The following ZCCHC14 variants were observed in gnomAD, a reference collection of about 807,000 sequenced individuals.
ZCCHC14 encodes the protein zinc finger CCHC-type containing 14.
Under a neutral mutation model 85.0 loss-of-function variants are expected in ZCCHC14, and 16 were observed. The ratio of observed to expected loss-of-function variants is 0.19; its 90% confidence interval spans 0.13 to 0.29. The LOEUF is 0.29. Among genes scored for constraint, ZCCHC14 ranks in the 10% least tolerant of loss-of-function variants. The probability of loss-of-function intolerance (pLI) is 1.00; values close to 1 mark genes in which losing one functional copy is unlikely to be tolerated. For synonymous variants in ZCCHC14, 775 were observed against 630.7 expected, an observed-to-expected ratio of 1.23 and a Z score of -3.43; for missense variants, 1,303 against 1,443.5, an observed-to-expected ratio of 0.90 and a Z score of 1.58.
chr16:87,426,298 T>C (rs930257744), intron 3 of ZCCHC14, among the ~76,000 whole-genome samples: 1 of 152,216 alleles, frequency 6.6e-6, no homozygotes, highest in Non-Finnish European at 1.5e-5. Context: ...ACCCGTACTA[T>C]GGGGACACGT....
At position 87,418,835 on chromosome 16, in the gene ZCCHC14, A is replaced by G; in HGVS notation, c.1100+12T>C. ...TATCTGAACTGTGCTGGTTACATAG[A>G]AGATTTCTCACCTTCCAGACACGCC... On this transcript the variant is annotated intron_variant, in intron 7 of 12. Coordinates refer to ENST00000671377, the MANE Select transcript of ZCCHC14 (RefSeq NM_015144.3). 1 of 1,612,352 alleles carries G rather than the reference A, an allele frequency of 6.2e-7. No homozygotes were observed. Among genetic ancestry groups the G allele is most frequent in the Non-Finnish European group, 8.5e-7 (1 of 1,178,638 alleles).
chr16:87,429,436 C>T (rs977944708), intron 3 of ZCCHC14, among the ~76,000 whole-genome samples: 3 of 152,078 alleles, frequency 2.0e-5, no homozygotes, highest in Non-Finnish European at 2.9e-5. Flanking sequence ...CTCAGCCTCC[C>T]GAGTAGCTGG....
At chr16:87,424,798 G>C (rs577170996) in intron 3 of ZCCHC14, among the ~76,000 whole-genome samples, 7 of 152,290 alleles carry the variant, frequency 4.6e-5, no homozygotes, top group African/African-American at 1.7e-4. Flanking sequence ...ATGGACAGAG[G>C]GGATGGCCTG....
At position 87,406,578 on chromosome 16, in the gene ZCCHC14, A is replaced by G. The variant is rs528311176; in HGVS notation, c.*3702T>C. 1.3e-5 allele frequency: 2 copies of G among 152,598 alleles called. No individual in the cohort carries two copies. Among genetic ancestry groups the G allele is most frequent in the South Asian group, 4.1e-4 (2 of 4,826 alleles). The allele number at this position is 152,598 out of a possible 1,614,324, so 9.5% of individuals were successfully genotyped here. A position where few individuals can be genotyped will look rare whatever the true frequency, so the allele number is the denominator to read the frequency against. ...AGTACACAAGGTGTCCAGTTTCAGT[A>G]CCAAAGCCTTCTCTTTTTGTGCACG... On this transcript the variant is annotated 3_prime_UTR_variant, in exon 13 of 13. Transcript: ENST00000671377.
intron 1 of ZCCHC14, among the ~76,000 whole-genome samples, chr16:87,476,736 G>T (rs1157226177): frequency 9.0e-6 from 1 of 111,202 alleles, no homozygotes; most frequent in Non-Finnish European, 1.7e-5. Context: ...AGGCCTGGGG[G>T]TGGGGGGTGG....
chr16:87,455,348 T>C (rs1261756048), intron 2 of ZCCHC14, among the ~76,000 whole-genome samples: 2 of 151,106 alleles, frequency 1.3e-5, no homozygotes, highest in African/African-American at 2.4e-5. Context: ...GGAGATACCA[T>C]GAGCTGGCCT....
intron 2 of ZCCHC14, among the ~76,000 whole-genome samples, chr16:87,448,013 T>C (rs1031170351): frequency 3.3e-5 from 5 of 152,016 alleles, no homozygotes. Flanking sequence ...TGGAGTTAAC[T>C]GCCTTTCTTT....
At chr16:87,436,475 T>C (rs1323238863) in intron 2 of ZCCHC14, among the ~76,000 whole-genome samples, 3 of 152,306 alleles carry the variant, frequency 2.0e-5, no homozygotes, top group Middle Eastern at 3.4e-3. Context: ...GCCGGGCTAG[T>C]GCGGGGGCTG....
intron 2 of ZCCHC14, among the ~76,000 whole-genome samples, chr16:87,435,185 G>A (rs1567520794): frequency 6.6e-6 from 1 of 152,176 alleles, no homozygotes; most frequent in East Asian, 1.9e-4. Context: ...CTAGAGCAAG[G>A]ACCTGCTCTG....
At chr16:87,456,994 C>A (rs1911000540) in intron 2 of ZCCHC14, among the ~76,000 whole-genome samples, 2 of 152,130 alleles carry the variant, frequency 1.3e-5, no homozygotes, top group Non-Finnish European at 2.9e-5. Context: ...AAGCAGTTTC[C>A]ATCTCAGCTT....
At chr16:87,411,279 C>T (rs1346140839) in intron 12 of ZCCHC14, 4 of 1,265,700 alleles carry the variant, frequency 3.2e-6, no homozygotes, top group Non-Finnish European at 4.2e-6. Flanking sequence ...CCTGTCCACA[C>T]TGGCTAAGCA....
chr16:87,481,904 C>T (rs1405311267), intron 1 of ZCCHC14, among the ~76,000 whole-genome samples: 1 of 152,122 alleles, frequency 6.6e-6, no homozygotes, highest in Admixed American at 6.5e-5. Flanking sequence ...ACAGCAACAG[C>T]CTGTATCTGC....
intron 9 of ZCCHC14, 25 bp from the exon 10 acceptor site, chr16:87,414,566 C>A: frequency 6.3e-7 from 1 of 1,598,254 alleles, no homozygotes; most frequent in Non-Finnish European, 8.5e-7. Context: ...AGCACAGGAA[C>A]AAGTGAGCAC....
chr16:87,440,879 T>C (rs1307994882), intron 2 of ZCCHC14, among the ~76,000 whole-genome samples: 1 of 152,114 alleles, frequency 6.6e-6, no homozygotes, highest in African/African-American at 2.4e-5. Flanking sequence ...CCTCCCAAAG[T>C]ACTGGGCTTA....
chr16:87,486,376 G>A (rs1044104082), intron 1 of ZCCHC14, among the ~76,000 whole-genome samples: 1 of 151,974 alleles, frequency 6.6e-6, no homozygotes, highest in Non-Finnish European at 1.5e-5. Context: ...AATACCACTG[G>A]GTTACAACTG....
chr16:87,484,632 C>T (rs1011853768), intron 1 of ZCCHC14, among the ~76,000 whole-genome samples: 3 of 152,186 alleles, frequency 2.0e-5, no homozygotes, highest in African/African-American at 7.2e-5. Flanking sequence ...AACCTATTCG[C>T]GGGTACCAGC....
Position 87,420,765 on chromosome 16 carries a change from C to G in ZCCHC14, c.841-49G>C. 1.3e-6 allele frequency: 2 copies of G among 1,496,008 alleles called. No homozygotes were observed. The highest frequency in any genetic ancestry group is 1.2e-5 in the South Asian group (1 of 80,754). 92.7% of individuals were successfully genotyped at this position (1,496,008 alleles called of 1,614,324 possible). ...GAGGTGTGTCCAGACCCATCCAACA[C>G]CAGCAGAATTCTGCTACTGCAGGAA... On this transcript the variant is annotated intron_variant, in intron 4 of 12. Coordinates refer to ENST00000671377, the MANE Select transcript of ZCCHC14 (RefSeq NM_015144.3). This position sits in a 1 kb window ranked among gnomAD's most constrained non-coding sequence, Gnocchi z 5.0.
chr16:87,409,975 C>T lies in ZCCHC14; in HGVS notation c.*305G>A. 1 of 242,794 alleles carries T rather than the reference C, an allele frequency of 4.1e-6. No individual in the cohort carries two copies. Among genetic ancestry groups the T allele is most frequent in the African/African-American group, 2.2e-5 (1 of 44,686 alleles). The allele number at this position is 242,794 out of a possible 1,614,324, so 15.0% of individuals were successfully genotyped here. On this transcript the variant is annotated 3_prime_UTR_variant, in exon 13 of 13. Coordinates refer to ENST00000671377, the MANE Select transcript of ZCCHC14 (RefSeq NM_015144.3). The stretch of plus-strand genomic sequence containing the variant: ...AATTGACGTGTGAGCCTAGGAGGGC[C>T]AGTGATGGCAATGCTCTTCGGGAGA...
At position 87,408,431 on chromosome 16, in the gene ZCCHC14, TGA is replaced by T. The variant is rs1908296559; in HGVS notation, c.*1847_*1848del. On this transcript the variant is annotated 3_prime_UTR_variant, in exon 13 of 13. Coordinates refer to ENST00000671377, the MANE Select transcript of ZCCHC14 (RefSeq NM_015144.3). ...CTCTAAGTCTTCCTTAAACGTAATA[TGA>T]GAAGGTCCAGTCTAGTACTCTTTAA... 6.6e-6 allele frequency: 1 copy of T among 152,614 alleles called. No homozygotes were observed. Among genetic ancestry groups the T allele is most frequent in the East Asian group, 1.9e-4 (1 of 5,206 alleles). 9.5% of individuals were successfully genotyped at this position (152,614 alleles called of 1,614,324 possible). A position where few individuals can be genotyped will look rare whatever the true frequency, so the allele number is the denominator to read the frequency against.
Sources: gnomAD v4.1 joint callset for allele counts (sites outside exome capture counted in the v4.1 genomes callset) on GRCh38, gnomAD v4.1.1 for gene constraint, Gnocchi (gnomAD v3.1) non-coding constraint, MANE v1.5 for transcripts, NCBI Gene and HGNC (gene_info 2026-07-23, HGNC 2026-07-21) for gene names.